SEMA4D: variants seen among roughly 807,000 people sequenced by gnomAD.
SEMA4D encodes the protein semaphorin-4D.
In SEMA4D, 22 loss-of-function variants were observed where a neutral mutation model predicts 74.8. The ratio of observed to expected loss-of-function variants is 0.29; its 90% CI spans 0.21 to 0.42. The LOEUF is 0.42. Ranked by LOEUF, SEMA4D falls within the 10% of genes least tolerant of loss-of-function variation. The probability of loss-of-function intolerance (pLI) is 1.00; values close to 1 mark genes in which losing one functional copy is unlikely to be tolerated. For missense variants in SEMA4D, 937 were observed against 1,118.4 expected, an observed-to-expected ratio of 0.84 and a Z score of 2.31; for synonymous variants, 445 against 463.7, an observed-to-expected ratio of 0.96 and a Z score of 0.52.
intron 1 of SEMA4D, among the ~76,000 whole-genome samples, chr9:89,461,100 G>A (rs551401574): frequency 8.4e-4 from 128 of 152,078 alleles, no homozygotes; most frequent in African/African-American, 2.8e-3. Flanking sequence ...CTGAACACAC[G>A]AAAGAAAATG....
rs542703410 is a variant in SEMA4D, at chr9:89,454,605, G to A, written c.-244+1283C>T. Among the ~76,000 whole-genome samples the A allele has an allele frequency of 2.6e-5, 4 of 152,358 alleles. No homozygotes were observed. In the South Asian group the frequency reaches 6.2e-4, roughly 24 times the overall value. ...CGAGAGACCTGCATAGGTGGCTGCTGGCCGAAGACGGTCCCTCCTGGGGCT... is the reference window on the plus strand; with the variant it reads ...CGAGAGACCTGCATAGGTGGCTGCTAGCCGAAGACGGTCCCTCCTGGGGCT... On this transcript the variant is annotated intron_variant, in intron 2 of 15. Transcript: ENST00000422704.
At chr9:89,384,706 G>A in intron 13 of SEMA4D, 1 of 985,448 alleles carries the variant, frequency 1.0e-6, no homozygotes, top group Non-Finnish European at 1.2e-6. Context: ...GAGGAGGTGA[G>A]GGTGGAGGCA....
chr9:89,480,537 G>A (rs963493347), intron 1 of SEMA4D, among the ~76,000 whole-genome samples: 14 of 152,348 alleles, frequency 9.2e-5, no homozygotes, highest in African/African-American at 2.6e-4. Flanking sequence ...CAGGCATGGC[G>A]GGCTGCAGGT....
At chr9:89,448,342 G>C (rs1399590276) in intron 2 of SEMA4D, among the ~76,000 whole-genome samples, 1 of 152,120 alleles carries the variant, frequency 6.6e-6, no homozygotes, top group Non-Finnish European at 1.5e-5. Flanking sequence ...TCTCCTTTGG[G>C]GTCTGTCTAC....
At chr9:89,486,384 T>C (rs1244926107) in intron 1 of SEMA4D, among the ~76,000 whole-genome samples, 3 of 152,204 alleles carry the variant, frequency 2.0e-5, no homozygotes, top group Non-Finnish European at 4.4e-5. Flanking sequence ...AAATTTTCCA[T>C]ACCTTGATTT....
intron 2 of SEMA4D, among the ~76,000 whole-genome samples, chr9:89,438,999 T>TTTTTTA (rs1851112234): frequency 1.3e-5 from 1 of 79,004 alleles, no homozygotes; most frequent in Admixed American, 1.8e-4. Context: ...TTTTTTTTTT[T>TTTTTTA]AACATGGAGT....
chr9:89,386,951 A>T (rs962398945), intron 12 of SEMA4D, among the ~76,000 whole-genome samples: 7 of 152,342 alleles, frequency 4.6e-5, no homozygotes, highest in African/African-American at 1.7e-4. Context: ...AGAAGTGCTT[A>T]TTTCAGAGTC....
intron 2 of SEMA4D, chr9:89,450,397 C>A: frequency 8.4e-7 from 1 of 1,184,704 alleles, no homozygotes; most frequent in Non-Finnish European, 1.3e-6. Flanking sequence ...CCATTTACTT[C>A]AAGAGCATGT....
intron 3 of SEMA4D, 125 bp downstream of exon 3, chr9:89,405,226 A>G: frequency 1.3e-6 from 1 of 788,706 alleles, no homozygotes; most frequent in Non-Finnish European, 2.1e-6. Flanking sequence ...TCCCGTTCCC[A>G]GCCACCCGCC....
intron 1 of SEMA4D, among the ~76,000 whole-genome samples, chr9:89,456,682 G>A (rs1284823303): frequency 6.6e-6 from 1 of 152,212 alleles, no homozygotes; most frequent in Non-Finnish European, 1.5e-5. Context: ...CCAGGTTCAA[G>A]CAATTCTGCT....
chr9:89,489,437 C>T (rs1270469359), intron 1 of SEMA4D, among the ~76,000 whole-genome samples: 1 of 152,132 alleles, frequency 6.6e-6, no homozygotes, highest in Non-Finnish European at 1.5e-5. Context: ...GTTATGTAAC[C>T]ATCACCCCTA....
At chr9:89,369,865 A>AGTGTGT (rs112473972) in intron 16 of SEMA4D, among the ~76,000 whole-genome samples, 3,148 of 138,754 alleles carry the variant, frequency 0.023, 50 homozygotes, top group Middle Eastern at 0.043. Context: ...CTAAGTCAAC[A>AGTGTGT]ATGTGTGTGT....
At chr9:89,388,228 G>A (rs1455209500) in intron 11 of SEMA4D, among the ~76,000 whole-genome samples, 1 of 152,148 alleles carries the variant, frequency 6.6e-6, no homozygotes, top group Non-Finnish European at 1.5e-5. Context: ...CCCATGTGAG[G>A]GAAGGAATCG....
chr9:89,493,934 C>T (rs897631220), intron 1 of SEMA4D, among the ~76,000 whole-genome samples: 4 of 152,178 alleles, frequency 2.6e-5, no homozygotes, highest in African/African-American at 9.7e-5. Context: ...GATAACCCTT[C>T]TGTGGCTGGA....
chr9:89,481,767 G>A (rs1304025961), intron 1 of SEMA4D, among the ~76,000 whole-genome samples: 6 of 152,224 alleles, frequency 3.9e-5, no homozygotes, highest in Admixed American at 3.9e-4. Context: ...ATTAACCTGC[G>A]CTGTGATCAG....
chr9:89,406,527 G>C (rs1234230101), intron 2 of SEMA4D, among the ~76,000 whole-genome samples: 1 of 152,188 alleles, frequency 6.6e-6, no homozygotes, highest in African/African-American at 2.4e-5. Context: ...TACTGTCCTG[G>C]TGTACCTTTG....
At chr9:89,424,480 G>A (rs1338107571) in intron 2 of SEMA4D, among the ~76,000 whole-genome samples, 2 of 152,148 alleles carry the variant, frequency 1.3e-5, no homozygotes, top group African/African-American at 4.8e-5. Flanking sequence ...ACTTACCTCA[G>A]CTCAATGAGT....
Position 89,393,576 on chromosome 9 carries a change from G to A in SEMA4D, c.494C>T (p.Thr165Ile). The change falls in exon 7 of 16, where the codon ACA (threonine) becomes ATA (isoleucine). Residue 165 changes from threonine to isoleucine, a missense_variant. Coordinates refer to ENST00000422704, the MANE Select transcript of SEMA4D (RefSeq NM_001371194.2). ...RCPFDPAHSY[T>I]SVMVDGELYS... Reference sequence around the variant, plus strand: ...GCAGGACTCACCAACCATGACGGATGTGTAGCTGTGTGCTGGGTCAAAGGG... The same window carrying A: ...GCAGGACTCACCAACCATGACGGATATGTAGCTGTGTGCTGGGTCAAAGGG... 6.2e-7 allele frequency: 1 copy of A among 1,613,984 alleles called. No individual in the cohort carries two copies. The highest frequency in any genetic ancestry group is 8.5e-7 in the Non-Finnish European group (1 of 1,179,804).
chr9:89,386,652 A>G (rs1366060424), intron 12 of SEMA4D, 170 bp from the exon 13 acceptor site: 5 of 561,694 alleles, frequency 8.9e-6, no homozygotes, highest in African/African-American at 1.9e-5. Flanking sequence ...AGGCTTTGGC[A>G]AAACAGACAA....
Sources: allele counts gnomAD v4.1 joint callset (sites outside exome capture counted in the v4.1 genomes callset), GRCh38; gene constraint gnomAD v4.1.1; transcripts MANE v1.5; gene names NCBI Gene and HGNC (gene_info 2026-07-23, HGNC 2026-07-21).